CNTN4: variants seen among roughly 807,000 people sequenced by gnomAD.
The protein encoded by CNTN4 is contactin 4.
CNTN4 carries 77 observed loss-of-function variants against 122.5 expected under a neutral mutation model. The ratio of observed to expected loss-of-function variants is 0.63; its 90% CI spans 0.52 to 0.76. The LOEUF (loss-of-function observed/expected upper bound fraction) is 0.76, where lower values mean the gene tolerates loss of function less well. Among genes scored for constraint, CNTN4 ranks in the 30% least tolerant of loss-of-function variants. The pLI, the probability that CNTN4 is intolerant of heterozygous loss-of-function variation, is 0.00. For missense variants in CNTN4, 1,256 were observed against 1,259.1 expected (o/e 1.00, Z 0.04); for synonymous variants, 512 against 447.0 (o/e 1.15, Z -1.83).
chr3:2,318,782 T>C (rs974751726), intron 2 of CNTN4, among the ~76,000 whole-genome samples: 2 of 152,134 alleles, frequency 1.3e-5, no homozygotes, highest in Middle Eastern at 3.2e-3. Context: ...TGGGACTGCA[T>C]GTGCATGCCA....
At chr3:2,406,009 A>C (rs1014011077) in intron 3 of CNTN4, among the ~76,000 whole-genome samples, 1 of 152,014 alleles carries the variant, frequency 6.6e-6, no homozygotes, top group Non-Finnish European at 1.5e-5. Context: ...CCTAGATGAC[A>C]GAGTAAGAGC....
intron 3 of CNTN4, among the ~76,000 whole-genome samples, chr3:2,526,990 T>TA (rs1274898392): frequency 6.6e-6 from 1 of 152,166 alleles, no homozygotes; most frequent in African/African-American, 2.4e-5. Flanking sequence ...CACATACCAT[T>TA]AACCTCTCTG....
intron 13 of CNTN4, among the ~76,000 whole-genome samples, chr3:2,932,820 ATTTATTTATTTAT>A (rs1483948249): frequency 6.6e-6 from 1 of 151,354 alleles, no homozygotes; most frequent in East Asian, 2.0e-4. Context: ...TTATTTATTT[ATTTATTTATTTAT>A]TTATTTAGAG....
At chr3:2,171,207 G>A (rs2036490107) in intron 2 of CNTN4, among the ~76,000 whole-genome samples, 1 of 151,936 alleles carries the variant, frequency 6.6e-6, no homozygotes, top group Admixed American at 6.6e-5. Context: ...ACCAGGAAAT[G>A]GACAGATAAA....
At chr3:2,910,220 A>G (rs2094285258) in intron 12 of CNTN4, among the ~76,000 whole-genome samples, 1 of 152,216 alleles carries the variant, frequency 6.6e-6, no homozygotes, top group Admixed American at 6.5e-5. Context: ...AAATATTATG[A>G]TAAATATTAT....
At chr3:2,402,224 C>A (rs2046883467) in intron 3 of CNTN4, among the ~76,000 whole-genome samples, 1 of 152,062 alleles carries the variant, frequency 6.6e-6, no homozygotes, top group Non-Finnish European at 1.5e-5. Context: ...AACATGCAGT[C>A]TAAGAGCTGA....
chr3:2,398,513 C>T (rs2046721864), intron 3 of CNTN4, among the ~76,000 whole-genome samples: 1 of 151,992 alleles, frequency 6.6e-6, no homozygotes, highest in Non-Finnish European at 1.5e-5. Context: ...GAGATTGATT[C>T]ATTATATTGC....
intron 4 of CNTN4, among the ~76,000 whole-genome samples, chr3:2,673,474 G>A (rs561051106): frequency 3.5e-4 from 53 of 152,216 alleles, no homozygotes; most frequent in African/African-American, 1.3e-3. Flanking sequence ...CTTAGTCTGG[G>A]CTGGGCTTGT....
At chr3:2,398,953 A>C (rs1211927131) in intron 3 of CNTN4, among the ~76,000 whole-genome samples, 3 of 152,170 alleles carry the variant, frequency 2.0e-5, no homozygotes, top group African/African-American at 7.2e-5. Context: ...ATACATCTTA[A>C]GTTTTAAATT....
chr3:2,641,235 A>G (rs2150117625), intron 4 of CNTN4, among the ~76,000 whole-genome samples: 1 of 152,250 alleles, frequency 6.6e-6, no homozygotes, highest in Non-Finnish European at 1.5e-5. Flanking sequence ...TAATTATTAT[A>G]GGTGCTTCCA....
intron 4 of CNTN4, among the ~76,000 whole-genome samples, chr3:2,603,038 G>C (rs2081113396): frequency 6.6e-6 from 1 of 152,014 alleles, no homozygotes; most frequent in East Asian, 1.9e-4. Context: ...TCACTTACTT[G>C]ACTGTAATTT....
intron 7 of CNTN4, among the ~76,000 whole-genome samples, chr3:2,832,183 G>T (rs2093119413): frequency 6.6e-6 from 1 of 152,124 alleles, no homozygotes; most frequent in South Asian, 2.1e-4. Flanking sequence ...ATTTATGATT[G>T]GATTCTAATG....
intron 3 of CNTN4, among the ~76,000 whole-genome samples, chr3:2,467,688 C>A (rs916504824): frequency 1.3e-5 from 2 of 152,046 alleles, no homozygotes; most frequent in Non-Finnish European, 2.9e-5. Context: ...TTATTATTAT[C>A]AGTAATTAAT....
At chr3:2,583,260 T>A (rs558032283) in intron 4 of CNTN4, among the ~76,000 whole-genome samples, 48 of 152,332 alleles carry the variant, frequency 3.2e-4, no homozygotes, top group Non-Finnish European at 6.3e-4. Flanking sequence ...AGCAGATATG[T>A]TACTTCAACA....
intron 7 of CNTN4, among the ~76,000 whole-genome samples, chr3:2,829,783 G>A (rs540113402): frequency 6.6e-6 from 1 of 152,292 alleles, no homozygotes; most frequent in African/African-American, 2.4e-5. Context: ...AAAAATTATA[G>A]TCTTTTTATA....
chr3:2,743,203 T>C (rs1006647534), intron 5 of CNTN4, among the ~76,000 whole-genome samples: 21 of 152,106 alleles, frequency 1.4e-4, no homozygotes, highest in Non-Finnish European at 2.9e-4. Flanking sequence ...CTTAGATTTG[T>C]CATATTAAAT....
intron 10 of CNTN4, among the ~76,000 whole-genome samples, chr3:2,896,933 T>G (rs1387099604): frequency 8.8e-6 from 1 of 113,364 alleles, no homozygotes; most frequent in Admixed American, 8.2e-5. Context: ...TTTAGAGGGT[T>G]TTTTTTTTTT....
chr3:2,690,979 C>A (rs1313906417), intron 4 of CNTN4, among the ~76,000 whole-genome samples: 1 of 152,124 alleles, frequency 6.6e-6, no homozygotes, highest in African/African-American at 2.4e-5. Flanking sequence ...ATGCCCTAGC[C>A]CTAGAGAATA....
At chr3:2,814,777 C>T (rs546959314) in intron 6 of CNTN4, among the ~76,000 whole-genome samples, 17 of 152,296 alleles carry the variant, frequency 1.1e-4, no homozygotes, top group African/African-American at 4.1e-4. Context: ...TGGCCACTTC[C>T]TAGGCACGTG....
Sources: gnomAD v4.1 joint callset for allele counts (sites outside exome capture counted in the v4.1 genomes callset) on GRCh38, gnomAD v4.1.1 for gene constraint, MANE v1.5 for transcripts, NCBI Gene and HGNC (gene_info 2026-07-23, HGNC 2026-07-21) for gene names.